SNX25: variants seen among roughly 807,000 people sequenced by gnomAD.
The protein encoded by SNX25 is sorting nexin 25, also known as sorting nexin-25.
SNX25 carries 62 observed loss-of-function variants against 113.7 expected under a neutral mutation model. The ratio of observed to expected loss-of-function variants is 0.55; its 90% CI spans 0.44 to 0.67. The LOEUF is 0.67. Ranked by LOEUF, SNX25 falls within the 30% of genes least tolerant of loss-of-function variation. SNX25 has a pLI of 0.00. For missense variants in SNX25, 1,014 were observed against 1,161.0 expected, an observed-to-expected ratio of 0.87 and a Z score of 1.84; for synonymous variants, 421 against 436.2, an observed-to-expected ratio of 0.97 and a Z score of 0.43.
At position 185,210,115 on chromosome 4, in the gene SNX25, T is replaced by C. The variant is rs570344565; in HGVS notation, c.289T>C (p.Tyr97His). The C allele has an allele frequency of 1.1e-3, 1,061 of 984,100 alleles. 13 individuals are homozygous for C. In the African/African-American group the frequency reaches 0.018, roughly 16 times the overall value. The allele number at this position is 984,100 out of a possible 1,614,324, so 61.0% of individuals were successfully genotyped here. A position where few individuals can be genotyped will look rare whatever the true frequency, so the allele number is the denominator to read the frequency against. ...LSSVLFRLSLYLSCAAAAFLL... is the reference protein window; with the variant it reads ...LSSVLFRLSLHLSCAAAAFLL... ...CTCCGTCCTGTTCAGGCTCAGCCTG[T>C]ACCTGAGCTGCGCGGCGGCCGCCTT... Residue 97 changes from tyrosine (Y) to histidine (H), a missense_variant, in exon 1 of 19, where the codon TAC becomes CAC. Coordinates refer to ENST00000652585, the MANE Select transcript of SNX25 (RefSeq NM_001378034.2). The surrounding 1 kb of genome is among the most constrained non-coding windows in gnomAD (Gnocchi z 4.4).
chr4:185,371,086 A>G (rs1395864462), downstream of SNX25: 2 of 327,030 alleles, frequency 6.1e-6, no homozygotes, highest in East Asian at 5.0e-5. Context: ...TTTTTCTTCT[A>G]ATATTACTAC....
chr4:185,254,385 T>C (rs1418543946), intron 2 of SNX25, among the ~76,000 whole-genome samples: 4 of 152,214 alleles, frequency 2.6e-5, no homozygotes. Context: ...GAATGAGGAC[T>C]GTCTCTTTGT....
intron 1 of SNX25, among the ~76,000 whole-genome samples, chr4:185,241,453 C>CAG (rs1553988974): frequency 0.041 from 3,895 of 95,308 alleles, 186 homozygotes; most frequent in African/African-American, 0.074. Flanking sequence ...GGCTCGGCAT[C>CAG]GGGGAGACCG....
intron 4 of SNX25, among the ~76,000 whole-genome samples, chr4:185,266,633 A>T (rs909547493): frequency 6.6e-6 from 1 of 152,216 alleles, no homozygotes; most frequent in Non-Finnish European, 1.5e-5. Flanking sequence ...AAGTGCTGGG[A>T]TTACAGGTGT....
intron 7 of SNX25, among the ~76,000 whole-genome samples, chr4:185,317,764 A>G (rs2095086730): frequency 6.6e-6 from 1 of 152,130 alleles, no homozygotes; most frequent in Non-Finnish European, 1.5e-5. Flanking sequence ...GGAGGGGAAC[A>G]TCACACACTG....
intron 1 of SNX25, among the ~76,000 whole-genome samples, chr4:185,234,380 C>T (rs553602411): frequency 1.1e-4 from 17 of 150,904 alleles, no homozygotes; most frequent in South Asian, 6.4e-4. Context: ...AGGAAATTAA[C>T]GTTGTTAAAA....
chr4:185,230,755 C>T (rs1188882664), intron 1 of SNX25, among the ~76,000 whole-genome samples: 1 of 152,028 alleles, frequency 6.6e-6, no homozygotes, highest in Admixed American at 6.5e-5. Flanking sequence ...AAAGTGTAGT[C>T]TGAGGGTTCA....
At chr4:185,279,413 T>C (rs1307073977) in intron 5 of SNX25, among the ~76,000 whole-genome samples, 1 of 152,192 alleles carries the variant, frequency 6.6e-6, no homozygotes, top group African/African-American at 2.4e-5. Flanking sequence ...CCTTAGTCTT[T>C]CTGTGGAATT....
intron 10 of SNX25, among the ~76,000 whole-genome samples, chr4:185,338,408 T>G (rs1435660394): frequency 6.6e-6 from 1 of 151,724 alleles, no homozygotes; most frequent in South Asian, 2.1e-4. Flanking sequence ...CCTGAGTAAC[T>G]GGGATTATAG....
rs769747252 is a variant in SNX25, at chr4:185,310,623, CTCCT to C, written c.1163-11_1163-8del. The C allele has an allele frequency of 6.2e-7, 1 of 1,610,938 alleles. No individual in the cohort carries two copies. The highest frequency in any genetic ancestry group is 1.1e-5 in the South Asian group (1 of 90,244). On this transcript the variant is annotated splice_region_variant and splice_polypyrimidine_tract_variant and intron_variant, in intron 6 of 18. Transcript: ENST00000652585. Reference sequence around the variant, plus strand: ...TCCTCTGACCAGGTACTGTTTCTCACTCCTATTCAAGGTAAAGAAACTGCGGCAA... The same window carrying C: ...TCCTCTGACCAGGTACTGTTTCTCACATTCAAGGTAAAGAAACTGCGGCAA...
At chr4:185,265,426 T>A (rs1415631950) in intron 4 of SNX25, among the ~76,000 whole-genome samples, 5 of 152,142 alleles carry the variant, frequency 3.3e-5, no homozygotes, top group Admixed American at 1.3e-4. Flanking sequence ...TGTATCTAAG[T>A]ATAGAAAAGG....
At chr4:185,375,908 C>T in the SNX25 span, among the ~76,000 whole-genome samples, 1 of 152,108 alleles carries the variant, frequency 6.6e-6, no homozygotes, top group Non-Finnish European at 1.5e-5. Context: ...CTGCCATCCT[C>T]AGAGTAACAG....
chr4:185,322,784 G>C (rs534466343), intron 8 of SNX25, among the ~76,000 whole-genome samples: 1 of 152,312 alleles, frequency 6.6e-6, no homozygotes, highest in South Asian at 2.1e-4. Flanking sequence ...AGAGCAGCTA[G>C]CTTCCTCGAA....
intron 1 of SNX25, among the ~76,000 whole-genome samples, chr4:185,220,723 G>C (rs1407985655): frequency 1.3e-5 from 2 of 151,868 alleles, no homozygotes; most frequent in African/African-American, 4.8e-5. Context: ...CTTGTGATCC[G>C]CCCACCTCGG....
chr4:185,258,721 GT>G (rs1407323490), intron 2 of SNX25, 126 bp from the exon 3 acceptor site: 12 of 725,894 alleles, frequency 1.7e-5, no homozygotes, highest in Admixed American at 2.8e-5. Flanking sequence ...CATGAGTTCT[GT>G]TTTCTCCTCT....
intron 12 of SNX25, among the ~76,000 whole-genome samples, chr4:185,346,015 G>A (rs1047611388): frequency 1.3e-5 from 2 of 152,020 alleles, no homozygotes; most frequent in African/African-American, 4.8e-5. Context: ...GTGCCATCAC[G>A]CCAGGCTAAT....
chr4:185,361,970 G>T lies in SNX25; in HGVS notation c.2698G>T (p.Val900Phe). ...VSWIFSEQML[V>F]YYINIFRDAF... ...CTGGATTTTCAGTGAGCAAATGTTG[G>T]TTTACTACATCAATATTTTCCGGGA... The change falls in exon 17 of 19, where the codon GTT becomes TTT. Residue 900 changes from valine to phenylalanine, a missense_variant. Coordinates refer to ENST00000652585, the MANE Select transcript of SNX25 (RefSeq NM_001378034.2). The T allele has an allele frequency of 6.2e-7, 1 of 1,614,132 alleles. No homozygotes were observed. Among genetic ancestry groups the T allele is most frequent in the Non-Finnish European group, 8.5e-7 (1 of 1,180,016 alleles).
intron 6 of SNX25, among the ~76,000 whole-genome samples, chr4:185,292,547 C>T (rs1415420777): frequency 6.6e-6 from 1 of 152,096 alleles, no homozygotes. Context: ...TACAGGCACC[C>T]ACCACCATAC....
In SNX25 at chr4:185,361,909, T is replaced by C. The variant is rs1452371688; in HGVS notation, c.2652-15T>C. ...TTTTAAAAACCTCATCCAAGAAATC[T>C]TTTTCTCTTAAAAGACAAATCCGGG... On this transcript the variant is annotated splice_polypyrimidine_tract_variant and intron_variant, in intron 16 of 18. Coordinates refer to ENST00000652585, the MANE Select transcript of SNX25 (RefSeq NM_001378034.2). The C allele has an allele frequency of 1.2e-6, 2 of 1,611,104 alleles. No homozygotes were observed. Among genetic ancestry groups the C allele is most frequent in the Admixed American group, 3.4e-5 (2 of 59,568 alleles).
Sources: allele counts gnomAD v4.1 joint callset (sites outside exome capture counted in the v4.1 genomes callset), GRCh38; gene constraint gnomAD v4.1.1; non-coding constraint Gnocchi (gnomAD v3.1); transcripts MANE v1.5; gene names NCBI Gene and HGNC (gene_info 2026-07-23, HGNC 2026-07-21).